Variants in SULT4A1 observed in about 807,000 individuals in gnomAD.
SULT4A1 encodes sulfotransferase family 4A member 1, also known as sulfotransferase 4A1.
In SULT4A1, 11 loss-of-function variants were observed where a neutral mutation model predicts 35.2. That is an observed-to-expected ratio of 0.31 (90% confidence interval 0.20 to 0.52). SULT4A1 has a LOEUF of 0.52. Among genes scored for constraint, SULT4A1 ranks in the 20% least tolerant of loss-of-function variants. SULT4A1 has a pLI of 0.97. For missense variants in SULT4A1, 271 were observed against 383.7 expected, an observed-to-expected ratio of 0.71 and a Z score of 2.45; for synonymous variants, 152 against 151.8, an observed-to-expected ratio of 1.00 and a Z score of -0.01.
intron 5 of SULT4A1, among the ~76,000 whole-genome samples, chr22:43,829,824 GC>G: frequency 6.6e-6 from 1 of 151,270 alleles, no homozygotes. Context: ...CTCAATCACA[GC>G]CCTGAGCTGT....
intron 5 of SULT4A1, among the ~76,000 whole-genome samples, chr22:43,831,672 C>T (rs1255644590): frequency 2.0e-5 from 3 of 152,242 alleles, no homozygotes; most frequent in East Asian, 1.9e-4. Flanking sequence ...GGAGGAGCCT[C>T]GCCATCTGCG....
chr22:43,850,412 T>G (rs1240684162), intron 1 of SULT4A1, among the ~76,000 whole-genome samples: 2 of 152,238 alleles, frequency 1.3e-5, no homozygotes, highest in Non-Finnish European at 2.9e-5. Flanking sequence ...CATGTAGTGA[T>G]TACATTTCCT....
At chr22:43,839,605 C>A (rs2063408077) in intron 3 of SULT4A1, among the ~76,000 whole-genome samples, 2 of 152,016 alleles carry the variant, frequency 1.3e-5, no homozygotes. Context: ...AAAAAACAAA[C>A]AAACAAAAAA....
intron 1 of SULT4A1, among the ~76,000 whole-genome samples, chr22:43,854,662 G>C (rs758613027): frequency 1.3e-5 from 2 of 152,104 alleles, no homozygotes; most frequent in South Asian, 2.1e-4. Flanking sequence ...GCAGGGAGCC[G>C]ACGCCCTGAG....
At chr22:43,837,653 C>G (rs1403733457) in intron 4 of SULT4A1, among the ~76,000 whole-genome samples, 1 of 152,176 alleles carries the variant, frequency 6.6e-6, no homozygotes, top group African/African-American at 2.4e-5. Context: ...GGGCAGGAAA[C>G]AGAATCATCC....
intron 4 of SULT4A1, among the ~76,000 whole-genome samples, chr22:43,835,165 C>A (rs756431051): frequency 1.3e-5 from 2 of 152,192 alleles, no homozygotes; most frequent in East Asian, 3.8e-4. Context: ...CCCTGAGCTT[C>A]CTGCGTGGCC....
At position 43,829,168 on chromosome 22, in the gene SULT4A1, T is replaced by C. The variant is rs2063308610; in HGVS notation, c.634A>G (p.Arg212Gly). Residue 212 changes from arginine to glycine, a missense_variant, in exon 6 of 7, where the codon AGA (arginine) becomes GGA (glycine). Arg to Gly is a moderately radical substitution (Grantham distance 125). Transcript: ENST00000330884. ...DLVTMVEQLA[R>G]FLGVSCDKAQ... is the part of the protein sequence containing the mutation. ...TTGTCACAGGACACCCCCAGGAATC[T>C]GGCCAGCTGCTCCACCATCGTCACC... is the stretch of plus-strand genomic sequence containing the variant. The C allele has an allele frequency of 6.4e-7, 1 of 1,566,182 alleles. No homozygotes were observed. Among genetic ancestry groups the C allele is most frequent in the African/African-American group, 1.4e-5 (1 of 73,408 alleles).
Position 43,836,605 on chromosome 22 carries a change from AGCGTCC to A in SULT4A1, c.508+2256_508+2261del, listed in dbSNP as rs1306639467. On this transcript the variant is annotated intron_variant, in intron 4 of 6. Coordinates refer to ENST00000330884, the MANE Select transcript of SULT4A1 (RefSeq NM_014351.4). ...GGTGCCACAGGGACCCTGTCTACAC[AGCGTCC>A]TCACACTGCAGGTGCCACAGGGATC... Among the ~76,000 whole-genome samples, 160 of 127,020 alleles carry A rather than the reference AGCGTCC, an allele frequency of 1.3e-3. 2 individuals are homozygous for A. The highest frequency in any genetic ancestry group is 2.4e-3 in the South Asian group (9 of 3,724). 83.3% of individuals were successfully genotyped at this position (127,020 alleles called of 152,430 possible). A position where few individuals can be genotyped will look rare whatever the true frequency, so the allele number is the denominator to read the frequency against.
intron 1 of SULT4A1, among the ~76,000 whole-genome samples, chr22:43,859,734 C>T (rs2049444138): frequency 6.6e-6 from 1 of 152,250 alleles, no homozygotes; most frequent in South Asian, 2.1e-4. Flanking sequence ...TGCAGCAGAA[C>T]TTTCAGCTGT....
intron 4 of SULT4A1, 27 bp from the exon 5 acceptor site, chr22:43,833,761 C>T: frequency 6.5e-7 from 1 of 1,549,828 alleles, no homozygotes; most frequent in South Asian, 1.2e-5. Flanking sequence ...CAGGGTGAGC[C>T]ACACGGCTGG....
At chr22:43,832,579 TGCACACACCCCCACCCCGGGGCTACAAC>T (rs1028328956) in intron 5 of SULT4A1, among the ~76,000 whole-genome samples, 11 of 151,488 alleles carry the variant, frequency 7.3e-5, no homozygotes, top group East Asian at 3.9e-4. Context: ...AGGATCACAG[TGCACACACCCCCACCCCGGGGCTACAAC>T]GCACACACCC....
chr22:43,844,548 A>G (rs983020220), intron 1 of SULT4A1, among the ~76,000 whole-genome samples: 1 of 152,200 alleles, frequency 6.6e-6, no homozygotes, highest in African/African-American at 2.4e-5. Context: ...CTCCAGCCCA[A>G]AACCCTTCCG....
intron 5 of SULT4A1, among the ~76,000 whole-genome samples, chr22:43,832,977 T>C (rs2148279963): frequency 6.6e-6 from 1 of 152,170 alleles, no homozygotes; most frequent in Non-Finnish European, 1.5e-5. Context: ...GCCTTGTCTG[T>C]CCCCTACATC....
intron 1 of SULT4A1, among the ~76,000 whole-genome samples, chr22:43,852,718 C>T (rs969252931): frequency 6.6e-6 from 1 of 151,616 alleles, no homozygotes; most frequent in Non-Finnish European, 1.5e-5. Context: ...ACACAGAGCA[C>T]GACGGGAAGC....
intron 6 of SULT4A1, chr22:43,826,747 A>C: frequency 1.0e-6 from 1 of 985,474 alleles, no homozygotes; most frequent in South Asian, 4.7e-5. Flanking sequence ...ATTTAAAGTG[A>C]ATCAAATAGT....
intron 4 of SULT4A1, among the ~76,000 whole-genome samples, chr22:43,835,443 A>G (rs113323576): frequency 0.038 from 5,778 of 152,276 alleles, 220 homozygotes; most frequent in African/African-American, 0.094. Context: ...CGCTGGCTGT[A>G]GAGACTCCTC....
At chr22:43,860,273 C>T (rs2049450781) in intron 1 of SULT4A1, among the ~76,000 whole-genome samples, 1 of 152,200 alleles carries the variant, frequency 6.6e-6, no homozygotes, top group Non-Finnish European at 1.5e-5. Context: ...CAGCACCAAC[C>T]ATGTCTCCCC....
At chr22:43,837,007 G>C (rs4823149) in intron 4 of SULT4A1, among the ~76,000 whole-genome samples, 91,724 of 152,256 alleles carry the variant, frequency 0.6, 28,588 homozygotes, top group East Asian at 0.94. Flanking sequence ...TGGTCACCAG[G>C]CTCACGCGTG....
intron 5 of SULT4A1, among the ~76,000 whole-genome samples, chr22:43,832,506 G>C (rs1052500693): frequency 6.6e-6 from 1 of 152,152 alleles, no homozygotes. Flanking sequence ...ACAGGCCCCA[G>C]TGTGTGAGCA....
Sources: gnomAD v4.1 joint callset for allele counts (sites outside exome capture counted in the v4.1 genomes callset) on GRCh38, gnomAD v4.1.1 for gene constraint, MANE v1.5 for transcripts, NCBI Gene and HGNC (gene_info 2026-07-23, HGNC 2026-07-21) for gene names.